PLXND1: variants seen among roughly 807,000 people sequenced by gnomAD.
The protein encoded by PLXND1 is plexin-D1.
In PLXND1, 54 loss-of-function variants were observed where a neutral mutation model predicts 197.7. The ratio of observed to expected loss-of-function variants is 0.27; its 90% CI spans 0.22 to 0.34. The LOEUF is 0.34. Ranked by LOEUF, PLXND1 falls within the 10% of genes least tolerant of loss-of-function variation. PLXND1 has a pLI of 1.00. For missense variants in PLXND1, 2,127 were observed against 2,699.2 expected, an observed-to-expected ratio of 0.79 and a Z score of 4.70; for synonymous variants, 1,180 against 1,161.2, an observed-to-expected ratio of 1.02 and a Z score of -0.33.
chr3:129,562,639 GCTT>G, intron 27 of PLXND1, 145 bp downstream of exon 27: 1 of 676,078 alleles, frequency 1.5e-6, no homozygotes, highest in South Asian at 2.2e-5. Context: ...CAGAGTAAGA[GCTT>G]CTTGCTGAGG....
At chr3:129,565,620 C>G in intron 24 of PLXND1, 82 bp from the exon 25 acceptor site, 1 of 1,241,244 alleles carries the variant, frequency 8.1e-7, no homozygotes, top group Non-Finnish European at 1.1e-6. Flanking sequence ...GCCTCATCCC[C>G]GGGCCCATCG....
intron 11 of PLXND1, 76 bp downstream of exon 11, chr3:129,575,393 A>G (rs2085297211): frequency 1.1e-6 from 1 of 876,668 alleles, no homozygotes; most frequent in South Asian, 1.4e-5. Flanking sequence ...CAACCACTGG[A>G]ATGAGTCGCA....
intron 1 of PLXND1, among the ~76,000 whole-genome samples, chr3:129,599,317 C>T (rs897840692): frequency 2.6e-5 from 4 of 152,262 alleles, no homozygotes; most frequent in African/African-American, 7.2e-5. Flanking sequence ...GTCTTCCCTG[C>T]GCTCAGCCCA....
intron 8 of PLXND1, 43 bp from the exon 9 acceptor site, chr3:129,578,476 A>C: frequency 7.9e-7 from 1 of 1,262,352 alleles, no homozygotes; most frequent in Non-Finnish European, 1.1e-6. Flanking sequence ...GGGGCATTTC[A>C]GAGAAGAGGC....
rs1484819967 is a variant in PLXND1 at position 129,605,867 on chromosome 3, T to A, written c.773A>T (p.Asn258Ile). The A allele has an allele frequency of 4.3e-6, 7 of 1,612,994 alleles. No homozygotes were observed. Among genetic ancestry groups the A allele is most frequent in the Non-Finnish European group, 5.1e-6 (6 of 1,179,764 alleles). The part of the protein sequence containing the change: ...DLAKLFTFDL[N>I]PSDDNILKIK... ...CTTGAGGATGTTGTCGTCGGAGGGGTTGAGGTCGAAGGTGAAGAGCTTGGC... is the reference window on the plus strand; with the variant it reads ...CTTGAGGATGTTGTCGTCGGAGGGGATGAGGTCGAAGGTGAAGAGCTTGGC... The change falls in exon 1 of 36, where the codon AAC (asparagine) becomes ATC (isoleucine). Residue 258 changes from asparagine to isoleucine, a missense_variant. Physicochemically the swap from Asn to Ile is moderately radical, Grantham distance 149. Transcript: ENST00000324093.
chr3:129,592,097 GC>G (rs1297635278), intron 1 of PLXND1, among the ~76,000 whole-genome samples: 1 of 152,152 alleles, frequency 6.6e-6, no homozygotes, highest in Non-Finnish European at 1.5e-5. Context: ...TGCCCAGGAA[GC>G]CATTCCCCCC....
intron 20 of PLXND1, 86 bp downstream of exon 20, chr3:129,569,757 C>T: frequency 1.3e-6 from 1 of 765,858 alleles, no homozygotes; most frequent in South Asian, 1.5e-5. Context: ...TCCCATCCTG[C>T]CTTCTCCCAT....
In PLXND1 at chr3:129,575,458, G is replaced by A. The variant is rs2085298655; in HGVS notation, c.2530+11C>T. The stretch of plus-strand genomic sequence containing the variant: ...GCCCCGAGGCCATGTGGGGCGGGTG[G>A]GGGTGCCCACCTGTCATGGGCTCAG... On this transcript the variant is annotated intron_variant, in intron 11 of 35. Transcript: ENST00000324093. The A allele has an allele frequency of 6.5e-7, 1 of 1,534,460 alleles. No individual in the cohort carries two copies. The highest frequency in any genetic ancestry group is 8.8e-7 in the Non-Finnish European group (1 of 1,131,534).
chr3:129,580,748 G>A (rs1037788954), intron 8 of PLXND1, among the ~76,000 whole-genome samples: 6 of 152,022 alleles, frequency 3.9e-5, no homozygotes, highest in South Asian at 2.1e-4. Context: ...AACTCCAGGG[G>A]AAGAACTGGT....
At chr3:129,563,402 A>T (rs944292495) in intron 25 of PLXND1, among the ~76,000 whole-genome samples, 162 bp from the exon 26 acceptor site, 1 of 152,158 alleles carries the variant, frequency 6.6e-6, no homozygotes, top group Non-Finnish European at 1.5e-5. Context: ...ACGGACCCTA[A>T]GCTCGTGTTC....
rs2085045650 is a variant in PLXND1 at position 129,560,734 on chromosome 3, A to C, written c.4994-11T>G. 1 of 1,545,600 alleles carries C rather than the reference A, an allele frequency of 6.5e-7. No individual in the cohort carries two copies. The highest frequency in any genetic ancestry group is 1.7e-5 in the Admixed American group (1 of 59,930). On this transcript the variant is annotated splice_polypyrimidine_tract_variant and intron_variant, in intron 29 of 35. Transcript: ENST00000324093. ...TGTCCAAGTCTTTCACTGTGAGAGG[A>C]AAAACACAATAAATAAACACGGGAG...
Position 129,605,265 on chromosome 3 carries a change from GCCCGCCCCCGCC to G in PLXND1, c.1311+52_1311+63del, listed in dbSNP as rs562798658. 124 of 285,212 alleles carry G rather than the reference GCCCGCCCCCGCC, an allele frequency of 4.3e-4. 2 individuals are homozygous for G. The highest frequency in any genetic ancestry group is 6.3e-4 in the Non-Finnish European group (106 of 168,612). 17.7% of individuals were successfully genotyped at this position (285,212 alleles called of 1,614,324 possible). Reference sequence around the variant, plus strand: ...TCAGCTCACGACCCGCTCGGTTCCCGCCCGCCCCCGCCCCCGCCCCCGCCGCCGCCGCCGCCG... The same window carrying G: ...TCAGCTCACGACCCGCTCGGTTCCCGCCCGCCCCCGCCGCCGCCGCCGCCG... On this transcript the variant is annotated intron_variant, in intron 1 of 35. Coordinates refer to ENST00000324093, the MANE Select transcript of PLXND1 (RefSeq NM_015103.3).
At chr3:129,565,641 T>G (rs1560062206) in intron 24 of PLXND1, 103 bp from the exon 25 acceptor site, 2 of 1,091,474 alleles carry the variant, frequency 1.8e-6, no homozygotes, top group East Asian at 5.1e-5. Context: ...ATCCCAGGAG[T>G]GCCTGTGTGG....
rs2085276908 is a variant in PLXND1, at chr3:129,574,198, C to T, written c.2685+138G>A. 1.6e-5 allele frequency: 12 copies of T among 732,616 alleles called. No individual in the cohort carries two copies. The Admixed American group carries it at 3.2e-4, about 20-fold the overall frequency. The allele number at this position is 732,616 out of a possible 1,614,324, so 45.4% of individuals were successfully genotyped here. ...TCAGCTCTGTGAGGCAGAGCACTTC[C>T]TTTTGTTCACAGGTGATACTGCACC... On this transcript the variant is annotated intron_variant, in intron 12 of 35. Coordinates refer to ENST00000324093, the MANE Select transcript of PLXND1 (RefSeq NM_015103.3).
chr3:129,575,281 G>C (rs1389754113), intron 11 of PLXND1, among the ~76,000 whole-genome samples, 188 bp downstream of exon 11: 2 of 152,162 alleles, frequency 1.3e-5, no homozygotes, highest in South Asian at 4.1e-4. Flanking sequence ...AACTATGCAC[G>C]GAGACCCCAA....
At chr3:129,560,222 C>A (rs973028311) in intron 31 of PLXND1, 108 bp downstream of exon 31, 12 of 704,682 alleles carry the variant, frequency 1.7e-5, no homozygotes, top group Admixed American at 1.6e-4. Flanking sequence ...AGAACTCACA[C>A]CCCTCTCCCA....
chr3:129,560,681 G>T lies in PLXND1; in HGVS notation c.5028+8C>A. Reference sequence around the variant, plus strand: ...CTGGATCCCCCGGGGCCGAGGTTGGGCACTCACCAAATGGAAATACTTCTC... The same window carrying T: ...CTGGATCCCCCGGGGCCGAGGTTGGTCACTCACCAAATGGAAATACTTCTC... On this transcript the variant is annotated splice_region_variant and intron_variant, in intron 30 of 35. Coordinates refer to ENST00000324093, the MANE Select transcript of PLXND1 (RefSeq NM_015103.3). 1.9e-6 allele frequency: 3 copies of T among 1,599,854 alleles called. No individual in the cohort carries two copies. The highest frequency in any genetic ancestry group is 2.6e-6 in the Non-Finnish European group (3 of 1,166,988).
rs776087988 is a variant in PLXND1, at chr3:129,571,649, TG to T, written c.3245+27del. 11 of 1,613,736 alleles carry T rather than the reference TG, an allele frequency of 6.8e-6. 1 individual carries two copies. In the South Asian group the frequency reaches 1.1e-4, roughly 16 times the overall value. On this transcript the variant is annotated intron_variant, in intron 16 of 35. Transcript: ENST00000324093. ...AGTGCACCTGCAGCCCCAGAGAGCC[TG>T]GGGGAAGGGCGGGGTGCCAGTCTCA...
chr3:129,578,694 C>A, intron 8 of PLXND1: 1 of 483,146 alleles, frequency 2.1e-6, no homozygotes, highest in Non-Finnish European at 3.7e-6. Context: ...AGTGGTGGGG[C>A]CAATTTCCTC....
Sources: gnomAD v4.1 joint callset for allele counts (sites outside exome capture counted in the v4.1 genomes callset) on GRCh38, gnomAD v4.1.1 for gene constraint, MANE v1.5 for transcripts, NCBI Gene and HGNC (gene_info 2026-07-23, HGNC 2026-07-21) for gene names.